The following CERT1 variants were observed in gnomAD, a reference collection of about 807,000 sequenced individuals.
The protein encoded by CERT1 is ceramide transfer protein.
CERT1 carries 31 observed loss-of-function variants against 87.9 expected under a neutral mutation model. The ratio of observed to expected loss-of-function variants is 0.35; its 90% confidence interval spans 0.27 to 0.48. CERT1 has a LOEUF of 0.48. CERT1 is among the 20% of genes least tolerant of loss of function. The pLI is 0.99. For synonymous variants in CERT1, 289 were observed against 250.9 expected, an observed-to-expected ratio of 1.15 and a Z score of -1.44; for missense variants, 487 against 758.0, an observed-to-expected ratio of 0.64 and a Z score of 4.20.
chr5:75,426,445 G>A lies in CERT1; in HGVS notation c.382C>T (p.Arg128Cys), dbSNP rs1214748516. 2.5e-6 allele frequency: 4 copies of A among 1,613,264 alleles called. No individual in the cohort carries two copies. Among genetic ancestry groups the A allele is most frequent in the South Asian group, 1.1e-5 (1 of 91,044 alleles). The change falls in exon 4 of 17, where the codon CGT becomes TGT. Residue 128 changes from arginine (R) to cysteine (C), a missense_variant. Arg to Cys is a radical substitution (Grantham distance 180). This residue lies in a region of CERT1 where 173 missense variants were observed against 302.2 expected (regional missense o/e 0.57). Transcript: ENST00000643780. ...AGGGACACCATTGAGCCATGTCGACGCAAGCTGGATTCAGATCCATATCCA... is the reference window on the plus strand; with the variant it reads ...AGGGACACCATTGAGCCATGTCGACACAAGCTGGATTCAGATCCATATCCA... ...ESGYGSESSL[R>C]RHGSMVSLVS...
Position 75,416,907 on chromosome 5 carries a change from C to T in CERT1, c.806G>A (p.Arg269His), listed in dbSNP as rs1414245783. 1 of 1,612,320 alleles carries T rather than the reference C, an allele frequency of 6.2e-7. No individual in the cohort carries two copies. The highest frequency in any genetic ancestry group is 8.5e-7 in the Non-Finnish European group (1 of 1,179,322). Residue 269 changes from arginine to histidine, a missense_variant, in exon 7 of 17, where the codon CGT becomes CAT. This residue lies in a region of CERT1 where 13 missense variants were observed against 29.2 expected (regional missense o/e 0.45). Transcript: ENST00000643780. ...CAGTCTCTTCTGCCAGCTGTCCTCA[C>T]GTTTAACCATTAGTTCAATACAATG... Reference protein sequence around the residue: ...LSHCIELMVKREDSWQKRLDK... With the variant: ...LSHCIELMVKHEDSWQKRLDK...
chr5:75,412,539 T>C (rs1190812854), intron 7 of CERT1, among the ~76,000 whole-genome samples: 1 of 152,232 alleles, frequency 6.6e-6, no homozygotes, highest in South Asian at 2.1e-4. Context: ...AATGTGTCAC[T>C]GACGACTTAA....
chr5:75,436,280 G>A (rs1347546247), intron 3 of CERT1, among the ~76,000 whole-genome samples: 2 of 152,096 alleles, frequency 1.3e-5, no homozygotes, highest in Admixed American at 6.6e-5. Flanking sequence ...TGATCTGCCC[G>A]CCTCGGCCTC....
intron 3 of CERT1, among the ~76,000 whole-genome samples, chr5:75,448,495 G>A (rs1391041535): frequency 2.0e-5 from 3 of 152,064 alleles, no homozygotes; most frequent in South Asian, 2.1e-4. Flanking sequence ...AAGCAATAAC[G>A]ATAATATAAG....
rs575113970 is a variant in CERT1 at position 75,474,136 on chromosome 5, T to C, written c.232-14955A>G. ...TTATTCATAGATTCCAGACATTGTA[T>C]AGAAGAACGCTGTGAAACTCCCTGC... is the stretch of plus-strand genomic sequence containing the variant. On this transcript the variant is annotated intron_variant, in intron 2 of 16. Transcript: ENST00000643780. 3.9e-5 allele frequency among the ~76,000 whole-genome samples: 6 copies of C among 152,296 alleles called. No individual in the cohort carries two copies. In the South Asian group the frequency reaches 6.2e-4, roughly 16 times the overall value.
At chr5:75,508,630 A>G (rs1767770528) in intron 1 of CERT1, among the ~76,000 whole-genome samples, 1 of 152,136 alleles carries the variant, frequency 6.6e-6, no homozygotes, top group African/African-American at 2.4e-5. Flanking sequence ...ACTGCAGGGG[A>G]ATCAAATATT....
chr5:75,491,066 A>T (rs185037232), intron 2 of CERT1, among the ~76,000 whole-genome samples: 33 of 152,198 alleles, frequency 2.2e-4, no homozygotes, highest in African/African-American at 7.9e-4. Flanking sequence ...GGATTAGAGG[A>T]ATTTTCCTTA....
At position 75,486,632 on chromosome 5, in the gene CERT1, T is replaced by G. The variant is rs148239008; in HGVS notation, c.231+19350A>C. Among the ~76,000 whole-genome samples, 379 of 152,130 alleles carry G rather than the reference T, an allele frequency of 2.5e-3. 2 individuals carry two copies. Among genetic ancestry groups the G allele is most frequent in the African/African-American group, 8.4e-3 (349 of 41,534 alleles). On this transcript the variant is annotated intron_variant, in intron 2 of 16. Transcript: ENST00000643780. ...ACCAAAACTATTAGAACTGATACATTCAGTAAAGTTGCAGGATACAAAAAT... is the reference window on the plus strand; with the variant it reads ...ACCAAAACTATTAGAACTGATACATGCAGTAAAGTTGCAGGATACAAAAAT...
At chr5:75,456,779 A>C (rs1209925256) in intron 3 of CERT1, among the ~76,000 whole-genome samples, 1 of 152,142 alleles carries the variant, frequency 6.6e-6, no homozygotes, top group Non-Finnish European at 1.5e-5. Context: ...TCTCAGCTTA[A>C]GTCCCACTGC....
chr5:75,402,965 G>A lies in CERT1; in HGVS notation c.1017+7C>T, dbSNP rs1287192860. 1.3e-6 allele frequency: 2 copies of A among 1,561,390 alleles called. No individual in the cohort carries two copies. Among genetic ancestry groups the A allele is most frequent in the African/African-American group, 2.7e-5 (2 of 73,684 alleles). On this transcript the variant is annotated splice_region_variant and intron_variant, in intron 9 of 16. Transcript: ENST00000643780. ...TTTCAGCTTAGAATTTTCAATAATA[G>A]ATATACCTGTTCTTCTATTTTATCT... is the stretch of plus-strand genomic sequence containing the variant.
intron 3 of CERT1, among the ~76,000 whole-genome samples, chr5:75,449,575 A>C (rs940785279): frequency 6.6e-6 from 1 of 152,226 alleles, no homozygotes; most frequent in Non-Finnish European, 1.5e-5. Flanking sequence ...ATCTGAGCAG[A>C]GGGGACCTCT....
At chr5:75,496,616 T>C (rs1767082728) in intron 2 of CERT1, among the ~76,000 whole-genome samples, 1 of 152,196 alleles carries the variant, frequency 6.6e-6, no homozygotes, top group Non-Finnish European at 1.5e-5. Context: ...GGTATATCCC[T>C]ATAGTGAAAC....
intron 2 of CERT1, among the ~76,000 whole-genome samples, chr5:75,474,246 T>C (rs961708803): frequency 2.8e-4 from 42 of 152,294 alleles, no homozygotes; most frequent in African/African-American, 9.6e-4. Flanking sequence ...GACCCTTTCA[T>C]GTGAAATCTT....
At chr5:75,380,470 C>T (rs573977310) in intron 16 of CERT1, among the ~76,000 whole-genome samples, 1 of 152,138 alleles carries the variant, frequency 6.6e-6, no homozygotes, top group East Asian at 1.9e-4. Context: ...TTCTATGAGG[C>T]AAATATCTAA....
chr5:75,442,725 G>T (rs1341764771), intron 3 of CERT1, among the ~76,000 whole-genome samples: 1 of 152,062 alleles, frequency 6.6e-6, no homozygotes, highest in Non-Finnish European at 1.5e-5. Context: ...AAAAATAGGT[G>T]AGTATAGCAC....
intron 2 of CERT1, among the ~76,000 whole-genome samples, chr5:75,475,951 G>C (rs534012407): frequency 6.6e-6 from 1 of 152,138 alleles, no homozygotes; most frequent in Non-Finnish European, 1.5e-5. Context: ...TGTGCAAATA[G>C]TGAAAACATT....
chr5:75,469,775 GAC>G (rs1765630984), intron 2 of CERT1, among the ~76,000 whole-genome samples: 1 of 151,962 alleles, frequency 6.6e-6, no homozygotes, highest in Non-Finnish European at 1.5e-5. Context: ...CCAATCAAAA[GAC>G]ACAGAGTGAC....
At chr5:75,477,055 TTTGCAGATATGATAATCATATGCAAAG>T (rs1311099808) in intron 2 of CERT1, among the ~76,000 whole-genome samples, 2 of 152,196 alleles carry the variant, frequency 1.3e-5, no homozygotes, top group Non-Finnish European at 2.9e-5. Flanking sequence ...CATGATAACC[TTTGCAGATATGATAATCATATGCAAAG>T]TATGAAAAAC....
chr5:75,379,118 G>T lies in CERT1; in HGVS notation c.*228C>A. 2.4e-6 allele frequency: 1 copy of T among 422,616 alleles called. No individual in the cohort carries two copies. The highest frequency in any genetic ancestry group is 4.3e-6 in the Non-Finnish European group (1 of 234,882). The allele number at this position is 422,616 out of a possible 1,614,324, so 26.2% of individuals were successfully genotyped here. ...GGATTGTTTGAGGCCAGAGGTTGAG[G>T]TTGCAGTGAGCCGTGATGGTGTCAT... On this transcript the variant is annotated 3_prime_UTR_variant, in exon 17 of 17. Coordinates refer to ENST00000643780, the MANE Select transcript of CERT1 (RefSeq NM_001379029.1).
Sources: gnomAD v4.1 joint callset for allele counts (sites outside exome capture counted in the v4.1 genomes callset) on GRCh38, gnomAD v4.1.1 for gene constraint, gnomAD v4.1.1 regional missense constraint, MANE v1.5 for transcripts, NCBI Gene and HGNC (gene_info 2026-07-23, HGNC 2026-07-21) for gene names.